Variants in PCDHAC1 observed in about 807,000 individuals in gnomAD.
PCDHAC1 encodes protocadherin alpha-C1.
A neutral mutation model predicts 60.0 loss-of-function variants in PCDHAC1; 42 were observed. The observed-to-expected ratio is 0.70, with a 90% CI of 0.55 to 0.90. The LOEUF is 0.90. Among genes scored for constraint, PCDHAC1 ranks in the 40% least tolerant of loss-of-function variants. The pLI is 0.00. For missense variants in PCDHAC1, 1,160 were observed against 1,222.3 expected, an observed-to-expected ratio of 0.95 and a Z score of 0.76; for synonymous variants, 468 against 499.3, an observed-to-expected ratio of 0.94 and a Z score of 0.84.
intron 1 of PCDHAC1, among the ~76,000 whole-genome samples, chr5:140,947,415 G>C (rs116670354): frequency 0.021 from 3,167 of 151,674 alleles, 64 homozygotes; most frequent in Admixed American, 0.045. Flanking sequence ...TGATATTGTA[G>C]CTTTATAAAT....
At chr5:140,949,628 C>G (rs974912926) in intron 1 of PCDHAC1, among the ~76,000 whole-genome samples, 18 of 151,706 alleles carry the variant, frequency 1.2e-4, no homozygotes, top group African/African-American at 4.1e-4. Context: ...GTTTTCATGG[C>G]ATATTGCTTT....
At chr5:140,989,644 T>C (rs1284720942) in intron 3 of PCDHAC1, among the ~76,000 whole-genome samples, 3 of 152,232 alleles carry the variant, frequency 2.0e-5, no homozygotes, top group Non-Finnish European at 4.4e-5. Flanking sequence ...GGGTCTTTCA[T>C]GGCAATATTT....
chr5:140,968,063 G>A, intron 1 of PCDHAC1: 1 of 1,614,096 alleles, frequency 6.2e-7, no homozygotes. Flanking sequence ...AGAGCGGGTG[G>A]CTGTCTACAA....
At position 140,927,587 on chromosome 5, in the gene PCDHAC1, T is replaced by A; in HGVS notation, c.695T>A (p.Val232Glu). The A allele has an allele frequency of 1.1e-5, 18 of 1,614,162 alleles. No individual in the cohort carries two copies. Among genetic ancestry groups the A allele is most frequent in the Non-Finnish European group, 1.5e-5 (18 of 1,180,028 alleles). ...GTGGACACAAATGACAACGCGCCTG[T>A]ATTTGAGCGCTCCGTATACCGCACC... ...IVVDTNDNAPVFERSVYRTKV... is the reference protein window; with the variant it reads ...IVVDTNDNAPEFERSVYRTKV... Residue 232 changes from valine (V) to glutamate (E), a missense_variant, in exon 1 of 4, where the codon GTA becomes GAA. By Grantham distance (121) the Val-to-Glu change is moderately radical. Transcript: ENST00000253807.
chr5:140,933,752 A>T (rs1308245960), intron 1 of PCDHAC1, among the ~76,000 whole-genome samples: 1 of 152,068 alleles, frequency 6.6e-6, no homozygotes, highest in African/African-American at 2.4e-5. Context: ...AGAATTCACT[A>T]GTGAAGCTCT....
At chr5:140,933,446 C>T (rs543444309) in intron 1 of PCDHAC1, among the ~76,000 whole-genome samples, 1 of 151,990 alleles carries the variant, frequency 6.6e-6, no homozygotes, top group Non-Finnish European at 1.5e-5. Flanking sequence ...AATGACATAC[C>T]TTCAAAATAT....
chr5:140,957,968 T>C (rs1276763203), intron 1 of PCDHAC1, among the ~76,000 whole-genome samples: 1 of 152,154 alleles, frequency 6.6e-6, no homozygotes, highest in Non-Finnish European at 1.5e-5. Flanking sequence ...TCAGAGATGC[T>C]GTATAAATAG....
intron 1 of PCDHAC1, among the ~76,000 whole-genome samples, chr5:140,969,836 T>C (rs1349045341): frequency 6.6e-6 from 1 of 152,224 alleles, no homozygotes; most frequent in Non-Finnish European, 1.5e-5. Flanking sequence ...ACAGTGGAAA[T>C]TATCTAGTTA....
At position 140,929,319 on chromosome 5, in the gene PCDHAC1, T is replaced by C; in HGVS notation, c.2427T>C (p.Asn809=). 6.5e-7 allele frequency: 1 copy of C among 1,545,486 alleles called. No individual in the cohort carries two copies. Among genetic ancestry groups the C allele is most frequent in the Non-Finnish European group, 8.7e-7 (1 of 1,143,656 alleles). ...GGAAAGGGGATCACGCTAATGTCAA[T>C]GCCATGGTAAGCAAATTTTATGGAA... ...RNRKGDHANV[N]AMPRQPNPDW... is the part of the protein sequence containing the mutation. Residue 809 remains asparagine, a synonymous_variant, in exon 1 of 4, where the codon AAT becomes AAC. Coordinates refer to ENST00000253807, the MANE Select transcript of PCDHAC1 (RefSeq NM_018898.5).
In PCDHAC1 at chr5:140,926,797, T is replaced by G; in HGVS notation, c.-96T>G. On this transcript the variant is annotated 5_prime_UTR_variant, in exon 1 of 4. Transcript: ENST00000253807. The stretch of plus-strand genomic sequence containing the variant: ...GCAGTGACGGCCGGCAGGAGCGTGC[T>G]CTTCCCCGCGGCTCGTGCTCTCCAG... 3 of 1,450,476 alleles carry G rather than the reference T, an allele frequency of 2.1e-6. No homozygotes were observed. Among genetic ancestry groups the G allele is most frequent in the Non-Finnish European group, 1.8e-6 (2 of 1,104,532 alleles). The allele number at this position is 1,450,476 out of a possible 1,614,324, so 89.9% of individuals were successfully genotyped here. A position where few individuals can be genotyped will look rare whatever the true frequency, so the allele number is the denominator to read the frequency against.
intron 1 of PCDHAC1, among the ~76,000 whole-genome samples, chr5:140,947,396 A>G (rs113635864): frequency 6.6e-6 from 1 of 151,710 alleles, no homozygotes; most frequent in Non-Finnish European, 1.5e-5. Flanking sequence ...CACTAAAAGT[A>G]GACTGTCTTG....
intron 3 of PCDHAC1, among the ~76,000 whole-genome samples, chr5:140,999,514 A>G (rs782202425): frequency 1.4e-4 from 22 of 152,210 alleles, no homozygotes; most frequent in Non-Finnish European, 1.0e-4. Context: ...CATTTTAAGC[A>G]TTTTGTTACC....
At chr5:140,947,371 A>G (rs1468768080) in intron 1 of PCDHAC1, among the ~76,000 whole-genome samples, 1 of 151,626 alleles carries the variant, frequency 6.6e-6, no homozygotes, top group Non-Finnish European at 1.5e-5. Context: ...CCTTTGATCT[A>G]TATGTTTATC....
intron 1 of PCDHAC1, chr5:140,969,487 T>C: frequency 6.8e-7 from 1 of 1,460,090 alleles, no homozygotes; most frequent in Non-Finnish European, 9.1e-7. Flanking sequence ...TAATCTGCTA[T>C]TTCCTCTCTA....
chr5:140,987,138 C>T (rs2097231368), intron 3 of PCDHAC1, among the ~76,000 whole-genome samples: 1 of 151,182 alleles, frequency 6.6e-6, no homozygotes, highest in Non-Finnish European at 1.5e-5. Context: ...TGCTTGAACT[C>T]GGGAGGTGGA....
At chr5:140,990,134 CAA>C (rs2097375582) in intron 3 of PCDHAC1, among the ~76,000 whole-genome samples, 2 of 151,958 alleles carry the variant, frequency 1.3e-5, no homozygotes, top group Non-Finnish European at 2.9e-5. Flanking sequence ...AAGTCAGACT[CAA>C]GAGGCATAAT....
chr5:140,993,128 T>A (rs1250312762), intron 3 of PCDHAC1, among the ~76,000 whole-genome samples: 2 of 152,234 alleles, frequency 1.3e-5, no homozygotes, highest in Non-Finnish European at 2.9e-5. Flanking sequence ...AATTTCCTTC[T>A]GTTGCAACAA....
chr5:141,003,574 A>T (rs559561339), intron 3 of PCDHAC1, among the ~76,000 whole-genome samples: 1 of 151,680 alleles, frequency 6.6e-6, no homozygotes, highest in African/African-American at 2.4e-5. Context: ...CAGACTCCCA[A>T]AGTGCTGGGA....
At chr5:140,993,463 CACACACACACACACACACA>C (rs1563592092) in intron 3 of PCDHAC1, among the ~76,000 whole-genome samples, 163 of 7,580 alleles carry the variant, frequency 0.022, 1 homozygote, top group African/African-American at 0.091. Context: ...CTTTCTTTCT[CACACACACACACACACACA>C]CACACACACA....
Sources: gnomAD v4.1 joint callset for allele counts (sites outside exome capture counted in the v4.1 genomes callset) on GRCh38, gnomAD v4.1.1 for gene constraint, MANE v1.5 for transcripts, NCBI Gene and HGNC (gene_info 2026-07-23, HGNC 2026-07-21) for gene names.